KCNMA1: variants seen among roughly 807,000 people sequenced by gnomAD.
KCNMA1 encodes Calcium-activated potassium channel subunit alpha-1.
A neutral mutation model predicts 140.0 loss-of-function variants in KCNMA1; 29 were observed. The observed-to-expected ratio is 0.21, with a 90% CI of 0.15 to 0.28. The LOEUF is 0.28. Among genes scored for constraint, KCNMA1 ranks in the 10% least tolerant of loss-of-function variants. The pLI, the probability that KCNMA1 is intolerant of heterozygous loss-of-function variation, is 1.00. For synonymous variants in KCNMA1, 612 were observed against 611.9 expected (o/e 1.00, Z 0.00); for missense variants, 880 against 1,602.2 (o/e 0.55, Z 7.70).
chr10:77,273,267 C>T (rs1221594139), intron 2 of KCNMA1, among the ~76,000 whole-genome samples: 3 of 152,036 alleles, frequency 2.0e-5, no homozygotes, highest in African/African-American at 4.8e-5. Flanking sequence ...AAACAAAAAT[C>T]AGTAGGTTGG....
rs539686976 is a variant in KCNMA1, at chr10:77,006,622, G to T, written c.2093-5042C>A. On this transcript the variant is annotated intron_variant, in intron 18 of 27. Coordinates refer to ENST00000286628, the MANE Select transcript of KCNMA1 (RefSeq NM_001161352.2). ...TCCAGGTGGTTTTCCAAAAACAGAG[G>T]AGAAAGAAAAAGCTAGTTAATGTCA... Among the ~76,000 whole-genome samples the T allele has an allele frequency of 3.3e-5, 5 of 152,294 alleles. No homozygotes were observed. The South Asian group carries it at 1.0e-3, about 32-fold the overall frequency.
chr10:76,977,551 G>A lies in KCNMA1; in HGVS notation c.2267-7484C>T, dbSNP rs1360145191. 4.3e-6 allele frequency: 3 copies of A among 702,950 alleles called. No homozygotes were observed. In the South Asian group the frequency reaches 4.4e-5, roughly 10 times the overall value. The allele number at this position is 702,950 out of a possible 1,614,324, so 43.5% of individuals were successfully genotyped here. A position where few individuals can be genotyped will look rare whatever the true frequency, so the allele number is the denominator to read the frequency against. On this transcript the variant is annotated intron_variant, in intron 19 of 27. Coordinates refer to ENST00000286628, the MANE Select transcript of KCNMA1 (RefSeq NM_001161352.2). The stretch of plus-strand genomic sequence containing the variant: ...GATATTAACTCGCTGACCTTTGACA[G>A]AGAAAGTTTGCTGACCCCTGCAGTA...
rs552498508 is a variant in KCNMA1 at position 77,078,603 on chromosome 10, T to C, written c.1593+878A>G. 4.6e-5 allele frequency among the ~76,000 whole-genome samples: 7 copies of C among 152,352 alleles called. No individual in the cohort carries two copies. In the East Asian group the frequency reaches 5.8e-4, roughly 13 times the overall value. On this transcript the variant is annotated intron_variant, in intron 13 of 27. Coordinates refer to ENST00000286628, the MANE Select transcript of KCNMA1 (RefSeq NM_001161352.2). The stretch of plus-strand genomic sequence containing the variant: ...TGGGAATGTGTCCCACATTACACTC[T>C]TACAGAGCGCATTATGCACTCACTA...
intron 2 of KCNMA1, among the ~76,000 whole-genome samples, chr10:77,387,394 C>T (rs1158829473): frequency 6.6e-6 from 1 of 152,114 alleles, no homozygotes; most frequent in Non-Finnish European, 1.5e-5. Flanking sequence ...TTGGACAAGC[C>T]CCACTTTAAT....
intron 14 of KCNMA1, among the ~76,000 whole-genome samples, chr10:77,048,329 C>A (rs2095202502): frequency 6.6e-6 from 1 of 152,152 alleles, no homozygotes; most frequent in Non-Finnish European, 1.5e-5. Context: ...GACCATGGAC[C>A]ACACTTGGAA....
chr10:77,313,678 G>A (rs74473689), intron 2 of KCNMA1, among the ~76,000 whole-genome samples: 3,210 of 152,248 alleles, frequency 0.021, 63 homozygotes, highest in Non-Finnish European at 0.027. Context: ...CAGGGGCTGT[G>A]TCTTATTTAC....
At chr10:77,159,050 T>C (rs7067779) in intron 5 of KCNMA1, among the ~76,000 whole-genome samples, 46,920 of 152,102 alleles carry the variant, frequency 0.31, 8,317 homozygotes, top group African/African-American at 0.46. Context: ...TTCCCCATTC[T>C]TTTTTGAAGC....
At chr10:77,558,228 TA>T (rs552154288) in intron 1 of KCNMA1, among the ~76,000 whole-genome samples, 2 of 151,840 alleles carry the variant, frequency 1.3e-5, no homozygotes, top group African/African-American at 2.4e-5. Context: ...ATTCTGATCT[TA>T]AAAAAAATAT....
At chr10:77,251,166 AG>A in intron 3 of KCNMA1, 28 bp downstream of exon 3, 1 of 1,534,766 alleles carries the variant, frequency 6.5e-7, no homozygotes, top group Non-Finnish European at 9.0e-7. Context: ...TTATGAAACG[AG>A]GGCAAGAAAG....
chr10:77,495,366 C>T (rs551483929), intron 1 of KCNMA1, among the ~76,000 whole-genome samples: 4 of 152,290 alleles, frequency 2.6e-5, no homozygotes, highest in African/African-American at 7.2e-5. Flanking sequence ...CTGCTACCTC[C>T]GCATCAGGCT....
Position 77,236,227 on chromosome 10 carries a change from C to T in KCNMA1, c.602+14968G>A, listed in dbSNP as rs1399317529. ...GGAGGTAACACGATCCATGACTCCA[C>T]ATGGAGGAGATAATGAAAGCACCAT... On this transcript the variant is annotated intron_variant, in intron 3 of 27. Transcript: ENST00000286628. Among the ~76,000 whole-genome samples the T allele has an allele frequency of 5.3e-5, 8 of 152,330 alleles. No homozygotes were observed. In the East Asian group the frequency reaches 1.5e-3, roughly 29 times the overall value.
intron 2 of KCNMA1, among the ~76,000 whole-genome samples, chr10:77,391,508 T>C (rs1213151829): frequency 6.6e-6 from 1 of 152,244 alleles, no homozygotes; most frequent in East Asian, 1.9e-4. Flanking sequence ...GCCACTGTTA[T>C]GTCCTAGATC....
chr10:77,331,098 C>A (rs1031584082), intron 2 of KCNMA1, among the ~76,000 whole-genome samples: 5 of 148,918 alleles, frequency 3.4e-5, no homozygotes, highest in African/African-American at 1.3e-4. Flanking sequence ...TTTCTCCCTG[C>A]CCCCCATGTA....
intron 23 of KCNMA1, among the ~76,000 whole-genome samples, chr10:76,933,212 G>A (rs2152723275): frequency 6.6e-6 from 1 of 152,234 alleles, no homozygotes; most frequent in Middle Eastern, 3.4e-3. Context: ...CTCATTTGAG[G>A]GCACGTTAAG....
intron 22 of KCNMA1, among the ~76,000 whole-genome samples, chr10:76,947,252 G>A (rs12571938): frequency 0.082 from 12,535 of 152,016 alleles, 1,289 homozygotes; most frequent in East Asian, 0.58. Flanking sequence ...CAGGAGAATC[G>A]CTTGAACCCA....
At chr10:77,043,186 G>GT (rs2094838040) in intron 14 of KCNMA1, among the ~76,000 whole-genome samples, 1 of 152,190 alleles carries the variant, frequency 6.6e-6, no homozygotes. Context: ...ACTAGACCTA[G>GT]TAGCATCGAA....
intron 2 of KCNMA1, among the ~76,000 whole-genome samples, chr10:77,299,594 C>T (rs1295235248): frequency 1.3e-5 from 2 of 152,112 alleles, no homozygotes; most frequent in African/African-American, 4.8e-5. Context: ...TTTCCATTAC[C>T]CAGGTTGTTC....
intron 20 of KCNMA1, 48 bp downstream of exon 20, chr10:76,969,926 A>C: frequency 6.9e-7 from 1 of 1,441,522 alleles, no homozygotes; most frequent in Non-Finnish European, 9.8e-7. Context: ...GAGGGGAGGA[A>C]GAGAAGGGCT....
At chr10:77,591,744 C>T (rs530943656) in intron 1 of KCNMA1, among the ~76,000 whole-genome samples, 2 of 152,338 alleles carry the variant, frequency 1.3e-5, no homozygotes, top group African/African-American at 4.8e-5. Flanking sequence ...GAGCCTGGAT[C>T]GCACATGCCC....
Sources: gnomAD v4.1 joint callset for allele counts (sites outside exome capture counted in the v4.1 genomes callset) on GRCh38, gnomAD v4.1.1 for gene constraint, MANE v1.5 for transcripts, NCBI Gene and HGNC (gene_info 2026-07-23, HGNC 2026-07-21) for gene names.